ZNF587: variants seen among roughly 807,000 people sequenced by gnomAD.
ZNF587 encodes the protein zinc finger protein 587.
Under a neutral mutation model 7.5 loss-of-function variants are expected in ZNF587, and 8 were observed. That is an observed-to-expected ratio of 1.06 (90% CI 0.62 to 1.92). ZNF587 has a LOEUF of 1.92. Ranked by LOEUF, ZNF587 falls within the 40% of genes most tolerant of loss-of-function variation. The pLI is 0.00. For missense variants in ZNF587, 468 were observed against 692.8 expected (o/e 0.68, Z 3.64); for synonymous variants, 145 against 237.8 (o/e 0.61, Z 3.59).
rs763461693 is a variant in ZNF587, at chr19:57,860,050, G to T, written c.1638G>T (p.Arg546Ser). 4 of 1,614,128 alleles carry T rather than the reference G, an allele frequency of 2.5e-6. No homozygotes were observed. The East Asian group carries it at 8.9e-5, about 36-fold the overall frequency. Residue 546 changes from arginine to serine, a missense_variant, in exon 3 of 3, where the codon AGG becomes AGT. Transcript: ENST00000339656. ...IKHRRIHTGE[R>S]PYECTKCGKT... ...ACAGGAGAATTCACACTGGAGAAAG[G>T]CCTTATGAATGCACCAAATGTGGAA...
rs1278081509 is a variant in ZNF587 at position 57,859,961 on chromosome 19, C to G, written c.1549C>G (p.Gln517Glu). 1 of 1,613,772 alleles carries G rather than the reference C, an allele frequency of 6.2e-7. No individual in the cohort carries two copies. Among genetic ancestry groups the G allele is most frequent in the African/African-American group, 1.3e-5 (1 of 74,876 alleles). ...TGTTCATAAAAGAGTTCATTCTGGA[C>G]AAAAGCCTTATAAGTGCAGTGAATG... ...LHVHKRVHSG[Q>E]KPYKCSECGK... Residue 517 changes from glutamine (Q) to glutamate (E), a missense_variant, in exon 3 of 3, where the codon CAA becomes GAA. Coordinates refer to ENST00000339656, the MANE Select transcript of ZNF587 (RefSeq NM_032828.4).
At chr19:57,850,138 A>T in intron 1 of ZNF587, 67 bp downstream of exon 1, 2 of 1,613,756 alleles carry the variant, frequency 1.2e-6, no homozygotes, top group East Asian at 4.5e-5. Flanking sequence ...CCAGCGAGGG[A>T]GCGGCTCCTG....
chr19:57,859,466 T>C lies in ZNF587; in HGVS notation c.1054T>C (p.Tyr352His). 6.2e-7 allele frequency: 1 copy of C among 1,612,736 alleles called. No individual in the cohort carries two copies. The highest frequency in any genetic ancestry group is 8.5e-7 in the Non-Finnish European group (1 of 1,179,954). Residue 352 changes from tyrosine to histidine, a missense_variant, in exon 3 of 3, where the codon TAT (tyrosine) becomes CAT (histidine). This residue lies in a region of ZNF587 where 310 missense variants were observed against 325.6 expected (regional missense o/e 0.95). Transcript: ENST00000339656. ...HQQGHTGERA[Y>H]HCGECGKSFR... ...GCAAGGTCACACTGGAGAGAGAGCT[T>C]ATCACTGTGGGGAATGTGGGAAATC...
chr19:57,858,444 C>T, intron 2 of ZNF587, 132 bp from the exon 3 acceptor site: 1 of 1,466,236 alleles, frequency 6.8e-7, no homozygotes, highest in Non-Finnish European at 9.1e-7. Flanking sequence ...CCATCTTCAA[C>T]TTGAAGCCAA....
At chr19:57,853,396 T>C (rs1276795319) in intron 1 of ZNF587, among the ~76,000 whole-genome samples, 10 of 152,170 alleles carry the variant, frequency 6.6e-5, no homozygotes, top group East Asian at 1.9e-4. Flanking sequence ...TGGGAGGGTG[T>C]TGATACTGGA....
At chr19:57,856,002 G>A in intron 1 of ZNF587, 102 bp from the exon 2 acceptor site, 1 of 1,553,158 alleles carries the variant, frequency 6.4e-7, no homozygotes, top group Non-Finnish European at 8.7e-7. Flanking sequence ...CTCCGTGTTG[G>A]GGACCTTGGG....
At chr19:57,853,758 T>TG (rs2071314244) in intron 1 of ZNF587, 2 of 103,714 alleles carry the variant, frequency 1.9e-5, no homozygotes, top group African/African-American at 1.1e-4. Context: ...AACTTTTTTG[T>TG]TTTTTTTTTT....
At chr19:57,857,855 C>T (rs1205704299) in intron 2 of ZNF587, among the ~76,000 whole-genome samples, 1 of 151,770 alleles carries the variant, frequency 6.6e-6, no homozygotes, top group Non-Finnish European at 1.5e-5. Context: ...AGGCTGGTCT[C>T]GAACTCCTGA....
intron 1 of ZNF587, among the ~76,000 whole-genome samples, chr19:57,854,722 TA>T (rs1446833858): frequency 1.6e-4 from 24 of 152,048 alleles, no homozygotes; most frequent in Non-Finnish European, 5.9e-5. Context: ...TGGGCCGTTA[TA>T]CCCTCTTCAT....
intron 1 of ZNF587, chr19:57,851,690 G>C (rs2071282576): frequency 6.6e-6 from 1 of 152,238 alleles, no homozygotes; most frequent in African/African-American, 2.4e-5. Context: ...CAGGCCAGGG[G>C]CTGTGCATTC....
Position 57,861,684 on chromosome 19 carries a change from T to C in ZNF587, c.*1544T>C, listed in dbSNP as rs928749760. The C allele has an allele frequency of 1.3e-5, 2 of 152,050 alleles. No individual in the cohort carries two copies. Among genetic ancestry groups the C allele is most frequent in the African/African-American group, 2.4e-5 (1 of 41,400 alleles). 9.4% of individuals were successfully genotyped at this position (152,050 alleles called of 1,614,324 possible). A position where few individuals can be genotyped will look rare whatever the true frequency, so the allele number is the denominator to read the frequency against. On this transcript the variant is annotated 3_prime_UTR_variant, in exon 3 of 3. Coordinates refer to ENST00000339656, the MANE Select transcript of ZNF587 (RefSeq NM_032828.4). ...TTATCTATTTCCCATTTCATTAATATATTTAAAAATAATGAAATAACAAAG... is the reference window on the plus strand; with the variant it reads ...TTATCTATTTCCCATTTCATTAATACATTTAAAAATAATGAAATAACAAAG...
At chr19:57,850,214 T>G (rs1293655156) in intron 1 of ZNF587, 143 bp downstream of exon 1, 9 of 1,494,144 alleles carry the variant, frequency 6.0e-6, no homozygotes, top group African/African-American at 1.4e-5. Context: ...CCTCTCCTTG[T>G]AACCGTCCAG....
At chr19:57,852,716 C>G (rs1039183551) in intron 1 of ZNF587, among the ~76,000 whole-genome samples, 1 of 151,440 alleles carries the variant, frequency 6.6e-6, no homozygotes, top group Admixed American at 6.6e-5. Flanking sequence ...TTAGTAGAGA[C>G]GAGGTTTTAC....
rs2071441152 is a variant in ZNF587 at position 57,862,173 on chromosome 19, C to G, written c.*2033C>G. 6.6e-6 allele frequency: 1 copy of G among 152,184 alleles called. No homozygotes were observed. The highest frequency in any genetic ancestry group is 2.4e-5 in the African/African-American group (1 of 41,434). 9.4% of individuals were successfully genotyped at this position (152,184 alleles called of 1,614,324 possible). Reference sequence around the variant, plus strand: ...GTGACAATACATATAGATTGCCAGGCAGTGAAACAGTTAAGATGCCACCAT... The same window carrying G: ...GTGACAATACATATAGATTGCCAGGGAGTGAAACAGTTAAGATGCCACCAT... On this transcript the variant is annotated 3_prime_UTR_variant, in exon 3 of 3. Transcript: ENST00000339656.
rs532789863 is a variant in ZNF587 at position 57,853,598 on chromosome 19, G to A, written c.34-2506G>A. 2.0e-5 allele frequency among the ~76,000 whole-genome samples: 3 copies of A among 152,236 alleles called. No individual in the cohort carries two copies. The South Asian group carries it at 6.2e-4, about 32-fold the overall frequency. ...TTCCTAAACACCTGAGAGGGTGTGA[G>A]TGACCATCATAACAGGACATTTAAT... is the stretch of plus-strand genomic sequence containing the variant. On this transcript the variant is annotated intron_variant, in intron 1 of 2. Transcript: ENST00000339656.
At chr19:57,855,404 T>TG (rs2071339371) in intron 1 of ZNF587, among the ~76,000 whole-genome samples, 1 of 151,978 alleles carries the variant, frequency 6.6e-6, no homozygotes, top group Middle Eastern at 3.4e-3. Flanking sequence ...GGCTGAAGGT[T>TG]GGGGAAACTC....
chr19:57,853,381 G>A (rs181835280), intron 1 of ZNF587, among the ~76,000 whole-genome samples: 18 of 152,312 alleles, frequency 1.2e-4, no homozygotes, highest in African/African-American at 2.9e-4. Flanking sequence ...ACTGGATGGG[G>A]TATCTGGGAG....
rs540861488 is a variant in ZNF587, at chr19:57,865,016, T to G, written c.*4876T>G. On this transcript the variant is annotated 3_prime_UTR_variant, in exon 3 of 3. Coordinates refer to ENST00000339656, the MANE Select transcript of ZNF587 (RefSeq NM_032828.4). The stretch of plus-strand genomic sequence containing the variant: ...TACTAAGCAATTTTAGTCTCTGCAG[T>G]CTCTTGTCTTGAATTAATACAACTT... 21 of 152,352 alleles carry G rather than the reference T, an allele frequency of 1.4e-4. No individual in the cohort carries two copies. Among genetic ancestry groups the G allele is most frequent in the African/African-American group, 4.6e-4 (19 of 41,584 alleles). 9.4% of individuals were successfully genotyped at this position (152,352 alleles called of 1,614,324 possible). A position where few individuals can be genotyped will look rare whatever the true frequency, so the allele number is the denominator to read the frequency against.
Position 57,859,560 on chromosome 19 carries a change from G to A in ZNF587, c.1148G>A (p.Gly383Glu), listed in dbSNP as rs769971104. 3 of 1,613,796 alleles carry A rather than the reference G, an allele frequency of 1.9e-6. No individual in the cohort carries two copies. The highest frequency in any genetic ancestry group is 2.2e-5 in the East Asian group (1 of 44,852). ...ACTGGAGAAAGGCCTTACAAGTGTG[G>A]AGAATGTGGGAAATCTTTTGGTCAA... ...VHTGERPYKC[G>E]ECGKSFGQKG... The change falls in exon 3 of 3, where the codon GGA (glycine) becomes GAA (glutamate). Residue 383 changes from glycine to glutamate, a missense_variant. Physicochemically the swap from Gly to Glu is moderately conservative, Grantham distance 98. Transcript: ENST00000339656.
Sources: gnomAD v4.1 joint callset for allele counts (sites outside exome capture counted in the v4.1 genomes callset) on GRCh38, gnomAD v4.1.1 for gene constraint, gnomAD v4.1.1 regional missense constraint, MANE v1.5 for transcripts, NCBI Gene and HGNC (gene_info 2026-07-23, HGNC 2026-07-21) for gene names.